MAGT1: variants seen among roughly 807,000 people sequenced by gnomAD.
MAGT1 encodes the protein magnesium transporter 1.
In MAGT1, 4 loss-of-function variants were observed where a neutral mutation model predicts 28.4. The observed-to-expected ratio is 0.14, with a 90% CI of 0.07 to 0.32. The LOEUF is 0.32. Among genes scored for constraint, MAGT1 ranks in the 10% least tolerant of loss-of-function variants. The pLI, the probability that MAGT1 is intolerant of heterozygous loss-of-function variation, is 1.00. For synonymous variants in MAGT1, 89 were observed against 89.7 expected (o/e 0.99, Z 0.04); for missense variants, 193 against 264.5 (o/e 0.73, Z 1.88).
At chrX:77,838,349 T>C (rs1350173763) in intron 8 of MAGT1, among the ~76,000 whole-genome samples, 2 of 109,290 alleles carry the variant, frequency 1.8e-5, no homozygotes, top group Non-Finnish European at 3.8e-5. Flanking sequence ...CATAGCTACC[T>C]GGGAAGCTGA....
intron 1 of MAGT1, among the ~76,000 whole-genome samples, chrX:77,884,890 G>T (rs954336744): frequency 9.3e-6 from 1 of 107,856 alleles, no homozygotes; most frequent in Non-Finnish European, 1.9e-5. Context: ...CGAGACCATG[G>T]TGAAACCCCG....
At chrX:77,888,172 G>C (rs1459800891) in intron 1 of MAGT1, among the ~76,000 whole-genome samples, 1 of 111,557 alleles carries the variant, frequency 9.0e-6, no homozygotes, top group Non-Finnish European at 1.9e-5. Context: ...ATTTGTATTG[G>C]ATATATTTTT....
At chrX:77,874,756 T>G (rs1557217652) in intron 2 of MAGT1, among the ~76,000 whole-genome samples, 9 of 111,174 alleles carry the variant, frequency 8.1e-5, no homozygotes, top group Non-Finnish European at 1.9e-5. Context: ...TACCTACCTT[T>G]TGGGATTTTG....
intron 1 of MAGT1, among the ~76,000 whole-genome samples, chrX:77,888,687 A>G (rs1026590556): frequency 3.6e-5 from 4 of 111,608 alleles, no homozygotes; most frequent in African/African-American, 1.3e-4. Flanking sequence ...TGATCCTGCC[A>G]TTCAAATTTC....
chrX:77,860,160 C>T (rs2076991200), intron 3 of MAGT1, among the ~76,000 whole-genome samples: 1 of 111,890 alleles, frequency 8.9e-6, no homozygotes, highest in Non-Finnish European at 1.9e-5. Context: ...TCTTGGCCCA[C>T]ACAATCTCCG....
At chrX:77,879,868 A>ACTCTGT (rs1200041511) in intron 1 of MAGT1, among the ~76,000 whole-genome samples, 1 of 81,340 alleles carries the variant, frequency 1.2e-5, no homozygotes, top group African/African-American at 5.0e-5. Flanking sequence ...ACAGAGTCTC[A>ACTCTGT]CTCTGTCATG....
At chrX:77,844,435 T>A (rs1393549607) in intron 7 of MAGT1, among the ~76,000 whole-genome samples, 3 of 111,764 alleles carry the variant, frequency 2.7e-5, no homozygotes, top group Non-Finnish European at 5.6e-5. Flanking sequence ...GGGTTTTTTG[T>A]GTCTATTTCC....
rs143799822 is a variant in MAGT1 at position 77,875,475 on chromosome X, G to A, written c.225C>T (p.Ile75=). 9.1e-6 allele frequency: 11 copies of A among 1,207,686 alleles called. No homozygotes were observed. In the African/African-American group the frequency reaches 1.2e-4, roughly 14 times the overall value. ...VKAPPRNYSV[I]VMFTALQLHR... is the part of the protein sequence containing the mutation. ...GCAGTTGGAGAGCAGTGAACATGACGATAACGGAGTAATTTCTCGGTGGGG... is the reference window on the plus strand; with the variant it reads ...GCAGTTGGAGAGCAGTGAACATGACAATAACGGAGTAATTTCTCGGTGGGG... Residue 75 remains isoleucine, a synonymous_variant, in exon 2 of 10, where the codon ATC becomes ATT. Transcript: ENST00000618282.
At chrX:77,884,780 ATTG>A (rs1280154928) in intron 1 of MAGT1, among the ~76,000 whole-genome samples, 1 of 103,565 alleles carries the variant, frequency 9.7e-6, no homozygotes, top group Admixed American at 1.1e-4. Context: ...ATCCCACAAT[ATTG>A]TTCTTAAAAA....
At position 77,869,215 on chromosome X, in the gene MAGT1, A is replaced by G. The variant is rs1478255546; in HGVS notation, c.390+1593T>C. 2.7e-5 allele frequency among the ~76,000 whole-genome samples: 3 copies of G among 110,345 alleles called. No homozygotes were observed. The East Asian group carries it at 8.6e-4, about 31-fold the overall frequency. ...ATTTTAGTAGAGATGGAGTTTCACC[A>G]TGTTGGCCAGGCTGGTATTAAACTC... On this transcript the variant is annotated intron_variant, in intron 3 of 9. Coordinates refer to ENST00000618282, the MANE Select transcript of MAGT1 (RefSeq NM_001367916.1).
At chrX:77,842,362 C>T (rs2076937412) in intron 7 of MAGT1, among the ~76,000 whole-genome samples, 1 of 110,223 alleles carries the variant, frequency 9.1e-6, no homozygotes, top group South Asian at 3.9e-4. Flanking sequence ...CCACTGCACT[C>T]TAGCCTGCAT....
rs555826886 is a variant in MAGT1, at chrX:77,847,381, C to T, written c.827-6061G>A. The stretch of plus-strand genomic sequence containing the variant: ...GAATTCCCTGACCCCTTGCGCTTCC[C>T]GGGTGGGGCGATGCCTCGCCCTGCT... On this transcript the variant is annotated intron_variant, in intron 7 of 9. Coordinates refer to ENST00000618282, the MANE Select transcript of MAGT1 (RefSeq NM_001367916.1). Among the ~76,000 whole-genome samples, 23 of 112,300 alleles carry T rather than the reference C, an allele frequency of 2.0e-4. No individual in the cohort carries two copies. The South Asian group carries it at 2.9e-3, about 14-fold the overall frequency.
intron 7 of MAGT1, among the ~76,000 whole-genome samples, chrX:77,848,946 C>A (rs782248181): frequency 9.2e-6 from 1 of 109,035 alleles, no homozygotes; most frequent in Non-Finnish European, 1.9e-5. Flanking sequence ...TCTGGGAGGT[C>A]GAGGTTACAG....
chrX:77,881,052 T>A (rs1284992157), intron 1 of MAGT1, among the ~76,000 whole-genome samples: 1 of 108,298 alleles, frequency 9.2e-6, no homozygotes, highest in East Asian at 2.9e-4. Flanking sequence ...TGGTAAAGGC[T>A]GTGGGAGAGA....
chrX:77,875,029 ATT>A (rs1247437667), intron 2 of MAGT1, among the ~76,000 whole-genome samples: 2 of 99,896 alleles, frequency 2.0e-5, no homozygotes, highest in African/African-American at 3.6e-5. Context: ...TAATTTTTGT[ATT>A]TTTTTTTTTT....
At chrX:77,889,931 C>T (rs1204506864) in intron 1 of MAGT1, among the ~76,000 whole-genome samples, 1 of 111,989 alleles carries the variant, frequency 8.9e-6, no homozygotes, top group African/African-American at 3.2e-5. Context: ...TCCCCACCTC[C>T]CACCACCACC....
intron 7 of MAGT1, among the ~76,000 whole-genome samples, chrX:77,848,600 C>A (rs1425588247): frequency 9.0e-6 from 1 of 111,616 alleles, no homozygotes; most frequent in Admixed American, 9.6e-5. Flanking sequence ...ATTAAGATAG[C>A]AAACTCCATA....
intron 3 of MAGT1, among the ~76,000 whole-genome samples, chrX:77,870,151 G>T (rs1183139337): frequency 9.0e-6 from 1 of 111,612 alleles, no homozygotes; most frequent in Non-Finnish European, 1.9e-5. Flanking sequence ...ACTTAGGAAC[G>T]GAAAACCAAA....
intron 3 of MAGT1, among the ~76,000 whole-genome samples, chrX:77,858,062 A>C (rs1412713033): frequency 8.9e-6 from 1 of 112,219 alleles, no homozygotes; most frequent in African/African-American, 3.2e-5. Context: ...GGAAATACTA[A>C]GGTAAAGAAA....
Sources: allele counts gnomAD v4.1 joint callset (sites outside exome capture counted in the v4.1 genomes callset), GRCh38; gene constraint gnomAD v4.1.1; transcripts MANE v1.5; gene names NCBI Gene and HGNC (gene_info 2026-07-23, HGNC 2026-07-21).